ADH1C: variants seen among roughly 807,000 people sequenced by gnomAD.
ADH1C encodes the protein alcohol dehydrogenase 1C (class I), gamma polypeptide.
ADH1C carries 26 observed loss-of-function variants against 35.0 expected under a neutral mutation model. That is an observed-to-expected ratio of 0.74 (90% CI 0.54 to 1.03). ADH1C has a LOEUF of 1.03. Ranked by LOEUF, ADH1C falls within the 50% of genes least tolerant of loss-of-function variation. The pLI is 0.00. For synonymous variants in ADH1C, 170 were observed against 169.3 expected (o/e 1.00, Z -0.03); for missense variants, 413 against 465.4 (o/e 0.89, Z 1.04).
At chr4:99,338,235 C>T (rs1419362132) in intron 8 of ADH1C, among the ~76,000 whole-genome samples, 1 of 150,462 alleles carries the variant, frequency 6.6e-6, no homozygotes, top group South Asian at 2.1e-4. Context: ...ATATGACATT[C>T]TTGTAAAGTG....
At position 99,352,678 on chromosome 4, in the gene ADH1C, T is replaced by G. The variant is rs369828432; in HGVS notation, c.-3A>C. The stretch of plus-strand genomic sequence containing the variant: ...CTTACTTTTCCTGCTGTGCTCATAT[T>G]GATTCTGTCTTCTCTGCAGACCAGG... On this transcript the variant is annotated 5_prime_UTR_variant, in exon 1 of 9. Coordinates refer to ENST00000515683, the MANE Select transcript of ADH1C (RefSeq NM_000669.5). 6.2e-7 allele frequency: 1 copy of G among 1,613,120 alleles called. No homozygotes were observed. Among genetic ancestry groups the G allele is most frequent in the South Asian group, 1.1e-5 (1 of 90,990 alleles).
intron 6 of ADH1C, among the ~76,000 whole-genome samples, chr4:99,341,331 T>C (rs1485534303): frequency 6.6e-6 from 1 of 152,204 alleles, no homozygotes; most frequent in Non-Finnish European, 1.5e-5. Context: ...TTTTGGAACA[T>C]GTTCTGTAGT....
chr4:99,346,756 CAGGCTCTAACCT>C (rs745652550), intron 3 of ADH1C, among the ~76,000 whole-genome samples: 25 of 152,076 alleles, frequency 1.6e-4, no homozygotes, highest in Non-Finnish European at 2.4e-4. Flanking sequence ...CATATATCTC[CAGGCTCTAACCT>C]AGTGCCTGGC....
At position 99,336,649 on chromosome 4, in the gene ADH1C, C is replaced by T. The variant is rs1734283041; in HGVS notation, c.*103G>A. 7.2e-7 allele frequency: 1 copy of T among 1,391,254 alleles called. No homozygotes were observed. Among genetic ancestry groups the T allele is most frequent in the Admixed American group, 2.0e-5 (1 of 50,704 alleles). 86.2% of individuals were successfully genotyped at this position (1,391,254 alleles called of 1,614,324 possible). A position where few individuals can be genotyped will look rare whatever the true frequency, so the allele number is the denominator to read the frequency against. On this transcript the variant is annotated 3_prime_UTR_variant, in exon 9 of 9. Coordinates refer to ENST00000515683, the MANE Select transcript of ADH1C (RefSeq NM_000669.5). ...GCTCCCACGTGTAATTTATTTTTAACATCTCTGAAGAGCAGAATTAATGAT... is the reference window on the plus strand; with the variant it reads ...GCTCCCACGTGTAATTTATTTTTAATATCTCTGAAGAGCAGAATTAATGAT...
intron 6 of ADH1C, among the ~76,000 whole-genome samples, chr4:99,341,204 A>T (rs907429087): frequency 1.3e-5 from 2 of 152,194 alleles, no homozygotes; most frequent in Non-Finnish European, 2.9e-5. Context: ...CCATTTCTCA[A>T]GTGGACATGT....
chr4:99,338,240 A>G (rs1045669091), intron 8 of ADH1C, among the ~76,000 whole-genome samples: 3 of 150,702 alleles, frequency 2.0e-5, no homozygotes, highest in Non-Finnish European at 4.4e-5. Flanking sequence ...ACATTCTTGT[A>G]AAGTGAATTT....
chr4:99,348,739 A>T (rs1273441879), intron 1 of ADH1C, among the ~76,000 whole-genome samples: 3 of 151,694 alleles, frequency 2.0e-5, no homozygotes, highest in Admixed American at 6.6e-5. Context: ...TTACAGTCCC[A>T]CCAACAGTGT....
chr4:99,351,153 GA>G (rs538352888), intron 1 of ADH1C: 2 of 152,022 alleles, frequency 1.3e-5, no homozygotes, highest in East Asian at 3.8e-4. Flanking sequence ...AAAAACGAAT[GA>G]AAAAATTAAT....
At chr4:99,338,555 A>C (rs1734338729) in intron 8 of ADH1C, among the ~76,000 whole-genome samples, 1 of 148,528 alleles carries the variant, frequency 6.7e-6, no homozygotes, top group Non-Finnish European at 1.5e-5. Flanking sequence ...ATTTTGACCA[A>C]GTCATGCCTT....
chr4:99,348,256 C>G (rs993935008), intron 1 of ADH1C, among the ~76,000 whole-genome samples: 1 of 146,414 alleles, frequency 6.8e-6, no homozygotes, highest in East Asian at 2.1e-4. Context: ...AGGTATATCT[C>G]CCAATGCTAT....
At chr4:99,347,628 T>C in intron 2 of ADH1C, 117 bp downstream of exon 2, 1 of 1,143,766 alleles carries the variant, frequency 8.7e-7, no homozygotes. Flanking sequence ...AAATGTAATT[T>C]TATTTTCTGG....
Position 99,349,664 on chromosome 4 carries a change from T to C in ADH1C, c.19-1818A>G, listed in dbSNP as rs79757929. Reference sequence around the variant, plus strand: ...TTTTAATTTTCTCTCTCCACTTCTGTGTTACTTGTCTCAAACACCCATTTG... The same window carrying C: ...TTTTAATTTTCTCTCTCCACTTCTGCGTTACTTGTCTCAAACACCCATTTG... On this transcript the variant is annotated intron_variant, in intron 1 of 8. Coordinates refer to ENST00000515683, the MANE Select transcript of ADH1C (RefSeq NM_000669.5). Among the ~76,000 whole-genome samples, 618 of 152,148 alleles carry C rather than the reference T, an allele frequency of 4.1e-3. 3 individuals are homozygous for C. Among genetic ancestry groups the C allele is most frequent in the Non-Finnish European group, 7.2e-3 (488 of 67,966 alleles).
chr4:99,347,672 G>A, intron 2 of ADH1C, 73 bp downstream of exon 2: 1 of 1,359,144 alleles, frequency 7.4e-7, no homozygotes, highest in Non-Finnish European at 1.0e-6. Context: ...AGTGGATTTT[G>A]GATGTTTCTA....
intron 1 of ADH1C, among the ~76,000 whole-genome samples, chr4:99,350,860 G>A (rs576137372): frequency 4.3e-4 from 65 of 152,290 alleles, no homozygotes; most frequent in Non-Finnish European, 8.5e-4. Flanking sequence ...AGATCAGGCC[G>A]GGTGCAGTTG....
chr4:99,348,942 T>C (rs913390948), intron 1 of ADH1C, among the ~76,000 whole-genome samples: 9 of 148,520 alleles, frequency 6.1e-5, no homozygotes, highest in African/African-American at 2.2e-4. Context: ...GAAGTGTCTG[T>C]TCATGTCCTT....
chr4:99,350,732 C>T (rs1208933313), intron 1 of ADH1C, among the ~76,000 whole-genome samples: 1 of 152,190 alleles, frequency 6.6e-6, no homozygotes, highest in Non-Finnish European at 1.5e-5. Context: ...AAAACGGATG[C>T]TACCAGGACA....
chr4:99,343,747 C>T (rs1734466636), intron 5 of ADH1C, among the ~76,000 whole-genome samples: 1 of 152,094 alleles, frequency 6.6e-6, no homozygotes, highest in Non-Finnish European at 1.5e-5. Flanking sequence ...ACTTAGACTA[C>T]CCATTAAAAT....
intron 8 of ADH1C, among the ~76,000 whole-genome samples, chr4:99,338,444 T>TAC (rs1553913927): frequency 1.8e-4 from 11 of 60,324 alleles, no homozygotes; most frequent in African/African-American, 6.3e-4. Context: ...TATATATATA[T>TAC]ACACACTCTT....
At chr4:99,348,964 T>C (rs1414985189) in intron 1 of ADH1C, among the ~76,000 whole-genome samples, 3 of 147,130 alleles carry the variant, frequency 2.0e-5, no homozygotes, top group Middle Eastern at 3.4e-3. Flanking sequence ...GCCCACTTTT[T>C]GATGGGGTTG....
Sources: gnomAD v4.1 joint callset for allele counts (sites outside exome capture counted in the v4.1 genomes callset) on GRCh38, gnomAD v4.1.1 for gene constraint, MANE v1.5 for transcripts, NCBI Gene and HGNC (gene_info 2026-07-23, HGNC 2026-07-21) for gene names.